The following PRKCE variants were observed in gnomAD, a reference collection of about 807,000 sequenced individuals.
PRKCE encodes protein kinase C epsilon, also known as protein kinase C epsilon type.
Under a neutral mutation model 85.4 loss-of-function variants are expected in PRKCE, and 16 were observed. The observed-to-expected ratio is 0.19, with a 90% CI of 0.13 to 0.28. The LOEUF is 0.28. Among genes scored for constraint, PRKCE ranks in the 10% least tolerant of loss-of-function variants. PRKCE has a pLI of 1.00. For synonymous variants in PRKCE, 388 were observed against 371.5 expected, an observed-to-expected ratio of 1.04 and a Z score of -0.51; for missense variants, 573 against 975.2, an observed-to-expected ratio of 0.59 and a Z score of 5.49.
At position 46,112,495 on chromosome 2, in the gene PRKCE, TTTTTTTTG is replaced by T. The variant is rs1044697586; in HGVS notation, c.1592+26137_1592+26144del. On this transcript the variant is annotated intron_variant, in intron 11 of 14. Transcript: ENST00000306156. Reference sequence around the variant, plus strand: ...TATCCCTGTTTTTGTTTTTTTGGTTTTTTTTTTGTTTGTTTGTTTGTTTGTTTTTTGTT... The same window carrying T: ...TATCCCTGTTTTTGTTTTTTTGGTTTTTTGTTTGTTTGTTTGTTTTTTGTT... Among the ~76,000 whole-genome samples, 127 of 70,952 alleles carry T rather than the reference TTTTTTTTG, an allele frequency of 1.8e-3. 1 individual carries two copies. In the East Asian group the frequency reaches 0.084, roughly 47 times the overall value. The allele number at this position is 70,952 out of a possible 152,430, so 46.5% of individuals were successfully genotyped here.
At chr2:45,699,681 T>C (rs1219917847) in intron 1 of PRKCE, among the ~76,000 whole-genome samples, 1 of 152,198 alleles carries the variant, frequency 6.6e-6, no homozygotes, top group East Asian at 1.9e-4. Context: ...CTTGTTTTTT[T>C]ATGGTCCTGG....
intron 13 of PRKCE, among the ~76,000 whole-genome samples, chr2:46,154,514 T>G (rs74994360): frequency 0.028 from 3,882 of 137,966 alleles, 73 homozygotes; most frequent in Non-Finnish European, 0.039. Flanking sequence ...TGTGGCTCTT[T>G]GAAGCTTTCA....
At chr2:45,692,850 G>A (rs918063770) in intron 1 of PRKCE, among the ~76,000 whole-genome samples, 1 of 152,198 alleles carries the variant, frequency 6.6e-6, no homozygotes, top group Admixed American at 6.5e-5. Flanking sequence ...TGGCATGTGG[G>A]CTCGAGGGAT....
intron 2 of PRKCE, among the ~76,000 whole-genome samples, chr2:45,914,142 G>T (rs539911691): frequency 8.5e-5 from 13 of 152,152 alleles, no homozygotes; most frequent in Non-Finnish European, 1.8e-4. Context: ...CTTAAATTAC[G>T]TGGAAGCATA....
chr2:45,884,025 T>TGA (rs1695067042), intron 2 of PRKCE, among the ~76,000 whole-genome samples: 1 of 152,188 alleles, frequency 6.6e-6, no homozygotes, highest in Non-Finnish European at 1.5e-5. Context: ...GCAACTGCCT[T>TGA]GAGAGTGAGT....
At position 45,894,762 on chromosome 2, in the gene PRKCE, G is replaced by T. The variant is rs139322155; in HGVS notation, c.412+51699G>T. Among the ~76,000 whole-genome samples the T allele has an allele frequency of 7.9e-5, 12 of 152,228 alleles. No individual in the cohort carries two copies. In the East Asian group the frequency reaches 2.3e-3, roughly 29 times the overall value. On this transcript the variant is annotated intron_variant, in intron 2 of 14. Coordinates refer to ENST00000306156, the MANE Select transcript of PRKCE (RefSeq NM_005400.3). Reference sequence around the variant, plus strand: ...GTTTGCGATGGAGTCTCACCATGTCGCCCAGGCTGGAGTGCAATGACGCGA... The same window carrying T: ...GTTTGCGATGGAGTCTCACCATGTCTCCCAGGCTGGAGTGCAATGACGCGA...
intron 6 of PRKCE, among the ~76,000 whole-genome samples, chr2:45,999,161 C>A (rs1224804550): frequency 6.6e-6 from 1 of 152,140 alleles, no homozygotes; most frequent in East Asian, 1.9e-4. Context: ...CCACTTATTT[C>A]TTCACCTTTC....
At chr2:45,847,225 G>A (rs1179247780) in intron 2 of PRKCE, among the ~76,000 whole-genome samples, 3 of 152,168 alleles carry the variant, frequency 2.0e-5, no homozygotes, top group Non-Finnish European at 2.9e-5. Flanking sequence ...TTTGCATTCC[G>A]TGGCCCTTAA....
chr2:46,085,204 G>C (rs189037416), intron 10 of PRKCE, among the ~76,000 whole-genome samples: 1 of 152,074 alleles, frequency 6.6e-6, no homozygotes, highest in South Asian at 2.1e-4. Context: ...GTAAGAGGGG[G>C]CCACCTACAA....
At chr2:46,009,938 A>G (rs1489937665) in intron 9 of PRKCE, among the ~76,000 whole-genome samples, 1 of 152,272 alleles carries the variant, frequency 6.6e-6, no homozygotes, top group Non-Finnish European at 1.5e-5. Flanking sequence ...ACAAACACAT[A>G]TAAACATATG....
intron 1 of PRKCE, among the ~76,000 whole-genome samples, chr2:45,837,133 G>C (rs1690949774): frequency 6.6e-6 from 1 of 152,250 alleles, no homozygotes; most frequent in African/African-American, 2.4e-5. Flanking sequence ...ACATCAGCCA[G>C]CAGCCTGGAG....
intron 2 of PRKCE, among the ~76,000 whole-genome samples, chr2:45,880,656 A>C (rs1694811610): frequency 6.6e-6 from 1 of 152,204 alleles, no homozygotes. Flanking sequence ...TGCCTCACAC[A>C]GTGGCTAGTT....
intron 2 of PRKCE, among the ~76,000 whole-genome samples, chr2:45,936,086 T>A (rs911512986): frequency 5.9e-5 from 9 of 152,176 alleles, no homozygotes; most frequent in Admixed American, 1.3e-4. Flanking sequence ...TGCCCTGCCT[T>A]TGAGGCTGAT....
At chr2:46,031,669 A>G (rs999204587) in intron 10 of PRKCE, among the ~76,000 whole-genome samples, 1 of 151,688 alleles carries the variant, frequency 6.6e-6, no homozygotes. Flanking sequence ...TAAAATGCTC[A>G]TAAATGCTCA....
intron 10 of PRKCE, among the ~76,000 whole-genome samples, chr2:46,020,040 G>A (rs1706515120): frequency 6.6e-6 from 1 of 151,840 alleles, no homozygotes; most frequent in Admixed American, 6.6e-5. Context: ...AGTAGAAATG[G>A]GGTTTTACCA....
intron 2 of PRKCE, among the ~76,000 whole-genome samples, chr2:45,931,661 G>A (rs553051986): frequency 6.6e-6 from 1 of 152,244 alleles, no homozygotes; most frequent in South Asian, 2.1e-4. Flanking sequence ...TTTCATTAAA[G>A]TAACATAGAC....
chr2:45,984,612 T>G lies in PRKCE; in HGVS notation c.755T>G (p.Val252Gly). 1 of 1,599,768 alleles carries G rather than the reference T, an allele frequency of 6.3e-7. No individual in the cohort carries two copies. Among genetic ancestry groups the G allele is most frequent in the Non-Finnish European group, 8.5e-7 (1 of 1,179,902 alleles). Residue 252 changes from valine (V) to glycine (G), a missense_variant, in exon 6 of 15, where the codon GTC becomes GGC. Physicochemically the swap from Val to Gly is moderately radical, Grantham distance 109 (BLOSUM62 -3). Coordinates refer to ENST00000306156, the MANE Select transcript of PRKCE (RefSeq NM_005400.3). Reference protein sequence around the residue: ...PHKFGIHNYKVPTFCDHCGSL... With the variant: ...PHKFGIHNYKGPTFCDHCGSL... ...AAGTTCGGTATCCACAACTACAAGG[T>G]CCCTACCTTCTGCGATCACTGTGGG... is the stretch of plus-strand genomic sequence containing the variant.
intron 1 of PRKCE, among the ~76,000 whole-genome samples, chr2:45,721,663 A>AGACC (rs929434127): frequency 6.6e-6 from 1 of 152,174 alleles, no homozygotes; most frequent in African/African-American, 2.4e-5. Flanking sequence ...GGATCGCTTG[A>AGACC]GACCAGTAGT....
intron 10 of PRKCE, among the ~76,000 whole-genome samples, chr2:46,061,614 A>G (rs986563449): frequency 6.6e-6 from 1 of 152,114 alleles, no homozygotes; most frequent in Non-Finnish European, 1.5e-5. Context: ...AACTTATGAA[A>G]GAGGAATCCT....
Sources: gnomAD v4.1 joint callset for allele counts (sites outside exome capture counted in the v4.1 genomes callset) on GRCh38, gnomAD v4.1.1 for gene constraint, MANE v1.5 for transcripts, NCBI Gene and HGNC (gene_info 2026-07-23, HGNC 2026-07-21) for gene names.